Variants in MATN2 observed in about 807,000 individuals in gnomAD.
MATN2 encodes matrilin 2, also known as matrilin-2.
In MATN2, 69 loss-of-function variants were observed where a neutral mutation model predicts 103.2. That is an observed-to-expected ratio of 0.67 (90% CI 0.55 to 0.82). MATN2 has a LOEUF of 0.82. Among genes scored for constraint, MATN2 ranks in the 40% least tolerant of loss-of-function variants. MATN2 has a pLI of 0.00. For synonymous variants in MATN2, 429 were observed against 450.2 expected (o/e 0.95, Z 0.60); for missense variants, 1,023 against 1,211.5 (o/e 0.84, Z 2.31).
intron 7 of MATN2, among the ~76,000 whole-genome samples, chr8:98,000,596 C>CAAAAAAA (rs67682756): frequency 6.0e-5 from 3 of 49,674 alleles, no homozygotes; most frequent in Admixed American, 1.9e-4. Context: ...GACTCCGTCT[C>CAAAAAAA]AAAAAAAAAA....
intron 10 of MATN2, among the ~76,000 whole-genome samples, chr8:98,013,829 T>C (rs1197228377): frequency 6.6e-6 from 1 of 152,182 alleles, no homozygotes; most frequent in Non-Finnish European, 1.5e-5. Flanking sequence ...CCATTGCAGA[T>C]AAGGTGTGGT....
chr8:97,941,673 TCCTGC>T, intron 3 of MATN2, 99 bp from the exon 4 acceptor site: 2 of 1,316,022 alleles, frequency 1.5e-6, no homozygotes, highest in Non-Finnish European at 2.1e-6. Flanking sequence ...TTTCTCTGAG[TCCTGC>T]CCAGAGGAGA....
intron 2 of MATN2, among the ~76,000 whole-genome samples, chr8:97,918,966 T>G (rs535312226): frequency 5.3e-5 from 8 of 152,318 alleles, no homozygotes; most frequent in African/African-American, 1.9e-4. Flanking sequence ...ATGCCAGATA[T>G]ATCTGTCATG....
At chr8:97,988,171 A>ATATAT (rs1554611753) in intron 6 of MATN2, among the ~76,000 whole-genome samples, 1 of 46,118 alleles carries the variant, frequency 2.2e-5, no homozygotes, top group African/African-American at 1.3e-4. Flanking sequence ...AAAAAAAAAA[A>ATATAT]ATATATATAT....
intron 15 of MATN2, 25 bp from the exon 16 acceptor site, chr8:98,032,221 C>G: frequency 1.3e-6 from 2 of 1,594,450 alleles, no homozygotes; most frequent in Non-Finnish European, 1.7e-6. Context: ...ACCATCACTT[C>G]TTTTGGTCAT....
intron 10 of MATN2, among the ~76,000 whole-genome samples, chr8:98,009,019 A>G (rs1348333097): frequency 6.6e-6 from 1 of 152,194 alleles, no homozygotes; most frequent in Admixed American, 6.5e-5. Context: ...TTTCTCATTT[A>G]AAGTGGGTTT....
chr8:97,899,010 C>A (rs1818902510), intron 2 of MATN2, among the ~76,000 whole-genome samples: 1 of 152,106 alleles, frequency 6.6e-6, no homozygotes, highest in Non-Finnish European at 1.5e-5. Flanking sequence ...CCTGCTGTGG[C>A]CTCCCAAAGT....
intron 4 of MATN2, among the ~76,000 whole-genome samples, chr8:97,948,119 A>C (rs1165641447): frequency 6.6e-6 from 1 of 152,248 alleles, no homozygotes; most frequent in African/African-American, 2.4e-5. Flanking sequence ...TCCAACAAGA[A>C]GTACAAAAAG....
intron 4 of MATN2, among the ~76,000 whole-genome samples, chr8:97,946,679 G>A (rs2130201704): frequency 6.6e-6 from 1 of 152,194 alleles, no homozygotes; most frequent in South Asian, 2.1e-4. Flanking sequence ...AATCTATCTG[G>A]AAGCTGATGA....
At chr8:97,915,471 C>T (rs12676720) in intron 2 of MATN2, among the ~76,000 whole-genome samples, 50,784 of 152,096 alleles carry the variant, frequency 0.33, 9,408 homozygotes, top group East Asian at 0.7. Flanking sequence ...CGAAGACAAA[C>T]TTTGCCTTTG....
At chr8:97,882,437 G>T (rs1157756177) in intron 1 of MATN2, among the ~76,000 whole-genome samples, 1 of 151,694 alleles carries the variant, frequency 6.6e-6, no homozygotes, top group East Asian at 1.9e-4. Flanking sequence ...TGTCACCCAG[G>T]CTGGGGTGCA....
chr8:97,901,134 G>T (rs1586393326), intron 2 of MATN2, among the ~76,000 whole-genome samples: 1 of 152,236 alleles, frequency 6.6e-6, no homozygotes, highest in East Asian at 1.9e-4. Flanking sequence ...ACCGAAGCAG[G>T]CCTCTCCATT....
chr8:97,893,495 C>A (rs529467904), intron 2 of MATN2, among the ~76,000 whole-genome samples: 1 of 152,276 alleles, frequency 6.6e-6, no homozygotes, highest in Admixed American at 6.5e-5. Context: ...GTCTCCAGAA[C>A]AACCAGTGGG....
intron 2 of MATN2, among the ~76,000 whole-genome samples, chr8:97,900,054 C>G (rs1039434655): frequency 1.3e-5 from 2 of 152,218 alleles, no homozygotes; most frequent in African/African-American, 4.8e-5. Flanking sequence ...GGAGTGCAAT[C>G]TAACCAGGAT....
At chr8:97,983,289 C>T (rs1226038928) in intron 6 of MATN2, among the ~76,000 whole-genome samples, 3 of 152,236 alleles carry the variant, frequency 2.0e-5, no homozygotes, top group East Asian at 3.9e-4. Context: ...TGTTGATGGA[C>T]GTTTGGGCTC....
intron 2 of MATN2, among the ~76,000 whole-genome samples, chr8:97,902,880 G>C (rs947002468): frequency 1.3e-5 from 2 of 152,192 alleles, no homozygotes; most frequent in Non-Finnish European, 2.9e-5. Flanking sequence ...TTTTTAGGCA[G>C]CTTAAGAAAG....
chr8:98,022,287 A>G (rs1042484539), intron 13 of MATN2, among the ~76,000 whole-genome samples: 2 of 152,010 alleles, frequency 1.3e-5, no homozygotes, highest in African/African-American at 4.8e-5. Flanking sequence ...TCTAACATAC[A>G]GTCTCTCTTT....
chr8:97,990,781 A>G (rs773197853), intron 6 of MATN2, among the ~76,000 whole-genome samples: 1 of 152,240 alleles, frequency 6.6e-6, no homozygotes, highest in Non-Finnish European at 1.5e-5. Context: ...AAAAAAGAAG[A>G]TAAAAAATAA....
chr8:97,969,394 G>A lies in MATN2; in HGVS notation c.958+7864G>A, dbSNP rs551017849. 3.3e-5 allele frequency among the ~76,000 whole-genome samples: 5 copies of A among 152,338 alleles called. No individual in the cohort carries two copies. In the East Asian group the frequency reaches 5.8e-4, roughly 18 times the overall value. On this transcript the variant is annotated intron_variant, in intron 5 of 18. Transcript: ENST00000254898. ...AATGTAGAATAGTAATATATACATT[G>A]TAAGGTTTTATGGGATTAAATAAGA... is the stretch of plus-strand genomic sequence containing the variant.
Sources: gnomAD v4.1 joint callset for allele counts (sites outside exome capture counted in the v4.1 genomes callset) on GRCh38, gnomAD v4.1.1 for gene constraint, MANE v1.5 for transcripts, NCBI Gene and HGNC (gene_info 2026-07-23, HGNC 2026-07-21) for gene names.